Variants in P2RY8 observed in about 807,000 individuals in gnomAD.
P2RY8 encodes the protein P2Y receptor family member 8.
Under a neutral mutation model 10.0 loss-of-function variants are expected in P2RY8, and 6 were observed. The ratio of observed to expected loss-of-function variants is 0.60; its 90% CI spans 0.33 to 1.19. The LOEUF is 1.19. Among genes scored for constraint, P2RY8 ranks in the 50% most tolerant of loss-of-function variants. The pLI, the probability that P2RY8 is intolerant of heterozygous loss-of-function variation, is 0.04. For synonymous variants in P2RY8, 276 were observed against 252.5 expected, an observed-to-expected ratio of 1.09 and a Z score of -0.88; for missense variants, 456 against 542.0, an observed-to-expected ratio of 0.84 and a Z score of 1.58.
At chrX:1,480,902 C>G (rs761464922) in intron 1 of P2RY8, among the ~76,000 whole-genome samples, 30 of 149,460 alleles carry the variant, frequency 2.0e-4, no homozygotes, top group Non-Finnish European at 3.4e-4. Context: ...GATTCAACCA[C>G]TGGAAAAAAA....
chrX:1,489,091 G>A (rs2092015763), intron 1 of P2RY8, among the ~76,000 whole-genome samples: 1 of 151,432 alleles, frequency 6.6e-6, no homozygotes, highest in Non-Finnish European at 1.5e-5. Context: ...AAGAATGAAT[G>A]ACACCCAAGA....
At chrX:1,500,694 A>C (rs28428908) in intron 1 of P2RY8, among the ~76,000 whole-genome samples, 34,248 of 151,688 alleles carry the variant, frequency 0.23, 4,077 homozygotes, top group Middle Eastern at 0.38. Flanking sequence ...GTGATCCTCC[A>C]ACCTAGCCCT....
chrX:1,469,419 G>A (rs373743002), intron 1 of P2RY8, among the ~76,000 whole-genome samples: 30 of 151,760 alleles, frequency 2.0e-4, no homozygotes, highest in African/African-American at 5.1e-4. Flanking sequence ...CACCAGCCCC[G>A]GCCTCCTAAA....
At chrX:1,499,513 T>C (rs1418366091) in intron 1 of P2RY8, among the ~76,000 whole-genome samples, 11 of 152,122 alleles carry the variant, frequency 7.2e-5, no homozygotes, top group Non-Finnish European at 1.3e-4. Flanking sequence ...CACCTACTGG[T>C]TATGTTCCTG....
intron 1 of P2RY8, among the ~76,000 whole-genome samples, chrX:1,474,731 G>A (rs1384775987): frequency 6.8e-6 from 1 of 146,376 alleles, no homozygotes; most frequent in Non-Finnish European, 1.5e-5. Context: ...GGATGAGGAT[G>A]GGTAGATGGA....
chrX:1,503,246 C>G (rs1336393015), intron 1 of P2RY8, among the ~76,000 whole-genome samples: 2 of 152,106 alleles, frequency 1.3e-5, no homozygotes, highest in Non-Finnish European at 2.9e-5. Flanking sequence ...TGAGGGAGCA[C>G]GGACCTGAGA....
At chrX:1,486,965 G>A (rs1241369084) in intron 1 of P2RY8, among the ~76,000 whole-genome samples, 1 of 152,232 alleles carries the variant, frequency 6.6e-6, no homozygotes, top group Admixed American at 6.5e-5. Context: ...GCAGCCCCAG[G>A]GCCGAGCTTC....
At chrX:1,533,881 T>C (rs1388569652) in intron 1 of P2RY8, among the ~76,000 whole-genome samples, 2 of 122,694 alleles carry the variant, frequency 1.6e-5, no homozygotes, top group East Asian at 5.4e-4. Flanking sequence ...TTATTATTTA[T>C]ATATTATATA....
At chrX:1,505,172 C>G (rs2149399916) in intron 1 of P2RY8, among the ~76,000 whole-genome samples, 1 of 150,188 alleles carries the variant, frequency 6.7e-6, no homozygotes, top group East Asian at 1.9e-4. Flanking sequence ...ATCTCATGCT[C>G]AACCTCAAAT....
At chrX:1,507,754 G>A (rs1196210589) in intron 1 of P2RY8, among the ~76,000 whole-genome samples, 1 of 152,116 alleles carries the variant, frequency 6.6e-6, no homozygotes, top group Non-Finnish European at 1.5e-5. Flanking sequence ...CTGCTTCTGG[G>A]TACACTACCC....
In P2RY8 at chrX:1,467,846, T is replaced by A. The variant is rs370086890; in HGVS notation, c.-24-1264A>T. On this transcript the variant is annotated intron_variant, in intron 1 of 1. Transcript: ENST00000381297. ...TGAGAGTACAACCACGCCCAGCTAA[T>A]ATTTTTATTTTTTGTAGATACAGAG... Among the ~76,000 whole-genome samples, 607 of 150,062 alleles carry A rather than the reference T, an allele frequency of 4.0e-3. 3 individuals carry two copies. Among genetic ancestry groups the A allele is most frequent in the African/African-American group, 0.014 (577 of 40,662 alleles).
At position 1,526,051 on chromosome X, in the gene P2RY8, CATCT is replaced by C. The variant is rs201295013; in HGVS notation, c.-25+10866_-25+10869del. ...TTCCTTATCCAGCCGCTCATCCATCCATCTATTCATCCATCCATCCATCTACTCA... is the reference window on the plus strand; with the variant it reads ...TTCCTTATCCAGCCGCTCATCCATCCATTCATCCATCCATCCATCTACTCA... On this transcript the variant is annotated intron_variant, in intron 1 of 1. Coordinates refer to ENST00000381297, the MANE Select transcript of P2RY8 (RefSeq NM_178129.5). Among the ~76,000 whole-genome samples the C allele has an allele frequency of 3.6e-3, 543 of 152,166 alleles. 8 individuals carry two copies. The highest frequency in any genetic ancestry group is 0.022 in the East Asian group (111 of 5,156).
chrX:1,500,894 G>A (rs1373493970), intron 1 of P2RY8, among the ~76,000 whole-genome samples: 3 of 152,120 alleles, frequency 2.0e-5, no homozygotes, highest in Non-Finnish European at 2.9e-5. Flanking sequence ...CCCAGGCTCC[G>A]AGGTTCTGGG....
chrX:1,466,423 A>T lies in P2RY8; in HGVS notation c.136T>A (p.Trp46Arg). The T allele has an allele frequency of 6.2e-7, 1 of 1,613,278 alleles. No homozygotes were observed. ...VSIPGNLFSL[W>R]VLCRRMGPRS... The stretch of plus-strand genomic sequence containing the variant: ...GGCCCCATGCGCCGGCACAGCACCC[A>T]CAGAGAGAAGAGGTTGCCCGGGATG... Residue 46 changes from tryptophan (W) to arginine (R), a missense_variant, in exon 2 of 2, where the codon TGG (tryptophan) becomes AGG (arginine). Trp to Arg is a moderately radical substitution (Grantham distance 101). Coordinates refer to ENST00000381297, the MANE Select transcript of P2RY8 (RefSeq NM_178129.5).
At chrX:1,510,221 C>T (rs756464049) in intron 1 of P2RY8, among the ~76,000 whole-genome samples, 1 of 152,282 alleles carries the variant, frequency 6.6e-6, no homozygotes, top group African/African-American at 2.4e-5. Flanking sequence ...CAATATCTAT[C>T]AATCATCGAA....
chrX:1,495,719 C>T (rs755239546), intron 1 of P2RY8, among the ~76,000 whole-genome samples: 10 of 113,976 alleles, frequency 8.8e-5, no homozygotes, highest in African/African-American at 2.2e-4. Context: ...AGGGAGAAGA[C>T]GGCGTCTCCA....
chrX:1,465,938 C>A lies in P2RY8; in HGVS notation c.621G>T (p.Val207=). The change falls in exon 2 of 2, where the codon GTG becomes GTT. Residue 207 remains valine (V), a synonymous_variant. Transcript: ENST00000381297. ...TGGCCGTGTAACAAGCCACGGTGATCACGAACGGGATGAGGAACAGCAGGA... is the reference window on the plus strand; with the variant it reads ...TGGCCGTGTAACAAGCCACGGTGATAACGAACGGGATGAGGAACAGCAGGA... ...IFILLFLIPF[V]ITVACYTATI... is the part of the protein sequence containing the mutation. 6.2e-7 allele frequency: 1 copy of A among 1,612,500 alleles called. No individual in the cohort carries two copies. Among genetic ancestry groups the A allele is most frequent in the Non-Finnish European group, 8.5e-7 (1 of 1,179,804 alleles).
At chrX:1,502,829 A>G (rs5948922) in intron 1 of P2RY8, among the ~76,000 whole-genome samples, 116,411 of 138,620 alleles carry the variant, frequency 0.84, 48,061 homozygotes, top group Non-Finnish European at 0.9. Flanking sequence ...AGAGCCTGGA[A>G]TGACGCGGCC....
In P2RY8 at chrX:1,465,769, G is replaced by A; in HGVS notation, c.790C>T (p.Arg264Cys). ...TAGTAGCTCTTGCCGTAGAACAGGC[G>A]GCTCACGATGTGCGCCAGGAGCACG... ...NFVLLAHIVS[R>C]LFYGKSYYHV... is the part of the protein sequence containing the mutation. Residue 264 changes from arginine (R) to cysteine (C), a missense_variant, in exon 2 of 2, where the codon CGC becomes TGC. Transcript: ENST00000381297. 1 of 1,613,566 alleles carries A rather than the reference G, an allele frequency of 6.2e-7. No homozygotes were observed. The highest frequency in any genetic ancestry group is 8.5e-7 in the Non-Finnish European group (1 of 1,179,836).
Sources: gnomAD v4.1 joint callset for allele counts (sites outside exome capture counted in the v4.1 genomes callset) on GRCh38, gnomAD v4.1.1 for gene constraint, MANE v1.5 for transcripts, NCBI Gene and HGNC (gene_info 2026-07-23, HGNC 2026-07-21) for gene names.